LUZP2: variants seen among roughly 807,000 people sequenced by gnomAD.
The protein encoded by LUZP2 is leucine zipper protein 2.
A neutral mutation model predicts 51.6 loss-of-function variants in LUZP2; 52 were observed. The observed-to-expected ratio is 1.01, with a 90% CI of 0.81 to 1.27. LUZP2 has a LOEUF of 1.27. Ranked by LOEUF, LUZP2 falls within the 50% of genes most tolerant of loss-of-function variation. The pLI, the probability that LUZP2 is intolerant of heterozygous loss-of-function variation, is 0.00. For missense variants in LUZP2, 436 were observed against 395.4 expected, an observed-to-expected ratio of 1.10 and a Z score of -0.87; for synonymous variants, 154 against 137.3, an observed-to-expected ratio of 1.12 and a Z score of -0.85.
intron 5 of LUZP2, among the ~76,000 whole-genome samples, chr11:24,890,652 T>C (rs903950567): frequency 1.3e-5 from 2 of 152,136 alleles, no homozygotes; most frequent in African/African-American, 4.8e-5. Flanking sequence ...CTCTACCTAC[T>C]GGCATCAAAA....
At chr11:25,001,713 TTGTC>T (rs920497606) in intron 9 of LUZP2, among the ~76,000 whole-genome samples, 1 of 152,160 alleles carries the variant, frequency 6.6e-6, no homozygotes, top group African/African-American at 2.4e-5. Flanking sequence ...GACTTCATCT[TTGTC>T]TATCTCTTTC....
At chr11:24,732,241 T>G (rs1219003410) in intron 3 of LUZP2, 53 bp downstream of exon 3, 1 of 1,312,046 alleles carries the variant, frequency 7.6e-7, no homozygotes, top group African/African-American at 1.5e-5. Context: ...CAAGCAACAT[T>G]CAGAAACTTC....
chr11:24,841,295 A>G (rs993582804), intron 5 of LUZP2, among the ~76,000 whole-genome samples: 8 of 152,104 alleles, frequency 5.3e-5, no homozygotes, highest in African/African-American at 1.9e-4. Context: ...GCTGCCTACA[A>G]GCAAAAAGAT....
chr11:24,884,820 T>G (rs948482162), intron 5 of LUZP2, among the ~76,000 whole-genome samples: 3 of 152,072 alleles, frequency 2.0e-5, no homozygotes, highest in Admixed American at 2.0e-4. Context: ...CTTCATAGAT[T>G]GTGAACTCCT....
rs1590325379 is a variant in LUZP2, at chr11:24,670,156, T to C, written c.63-59013T>C. On this transcript the variant is annotated intron_variant, in intron 1 of 11. Coordinates refer to ENST00000336930, the MANE Select transcript of LUZP2 (RefSeq NM_001009909.4). Reference sequence around the variant, plus strand: ...TATAGTCTTATTTTCTACTTAAAAATATAGTGTTCATAGAAGCAACACCAG... The same window carrying C: ...TATAGTCTTATTTTCTACTTAAAAACATAGTGTTCATAGAAGCAACACCAG... Among the ~76,000 whole-genome samples, 8 of 152,194 alleles carry C rather than the reference T, an allele frequency of 5.3e-5. No individual in the cohort carries two copies. The South Asian group carries it at 1.7e-3, about 31-fold the overall frequency.
intron 9 of LUZP2, among the ~76,000 whole-genome samples, chr11:25,032,039 A>G (rs1260473937): frequency 6.6e-6 from 1 of 152,132 alleles, no homozygotes; most frequent in African/African-American, 2.4e-5. Flanking sequence ...CATCGTGACT[A>G]TGGACAGCAT....
chr11:24,749,259 A>G lies in LUZP2; in HGVS notation c.333+10957A>G, dbSNP rs1303512611. Among the ~76,000 whole-genome samples, 4 of 152,270 alleles carry G rather than the reference A, an allele frequency of 2.6e-5. No individual in the cohort carries two copies. The East Asian group carries it at 5.8e-4, about 22-fold the overall frequency. On this transcript the variant is annotated intron_variant, in intron 4 of 11. Transcript: ENST00000336930. ...CTTTGGTCTTTGCCATAAGAAGATAAAAAAGGAGATGAGAGAATGGAGAAT... is the reference window on the plus strand; with the variant it reads ...CTTTGGTCTTTGCCATAAGAAGATAGAAAAGGAGATGAGAGAATGGAGAAT...
chr11:24,590,429 A>G (rs1474707551), intron 1 of LUZP2, among the ~76,000 whole-genome samples: 1 of 152,184 alleles, frequency 6.6e-6, no homozygotes, highest in South Asian at 2.1e-4. Context: ...AGAACATTCA[A>G]AAGCCTCTCT....
intron 7 of LUZP2, among the ~76,000 whole-genome samples, chr11:24,958,603 TG>T (rs1855284786): frequency 6.6e-6 from 1 of 151,936 alleles, no homozygotes; most frequent in South Asian, 2.1e-4. Context: ...TGGGGTTGTT[TG>T]TTTTTTTCTT....
At chr11:24,912,252 A>G (rs188763475) in intron 6 of LUZP2, among the ~76,000 whole-genome samples, 1 of 114,010 alleles carries the variant, frequency 8.8e-6, no homozygotes. Flanking sequence ...TTTTTTTTTA[A>G]TTTTATTTCA....
intron 1 of LUZP2, among the ~76,000 whole-genome samples, chr11:24,641,983 T>C (rs1855302657): frequency 6.6e-6 from 1 of 151,808 alleles, no homozygotes; most frequent in South Asian, 2.1e-4. Context: ...AACCTCCGCC[T>C]CCCTCAAGCG....
At chr11:24,985,520 C>A (rs1856163672) in intron 9 of LUZP2, among the ~76,000 whole-genome samples, 1 of 151,756 alleles carries the variant, frequency 6.6e-6, no homozygotes, top group African/African-American at 2.4e-5. Context: ...ATGTGACAAT[C>A]TTCTGACCTA....
intron 9 of LUZP2, among the ~76,000 whole-genome samples, chr11:25,046,022 G>C (rs957112365): frequency 6.6e-6 from 1 of 152,100 alleles, no homozygotes; most frequent in Non-Finnish European, 1.5e-5. Context: ...TGGTTTTATT[G>C]TAGAAACAAC....
At chr11:24,870,564 G>A in intron 5 of LUZP2, among the ~76,000 whole-genome samples, 1 of 151,712 alleles carries the variant, frequency 6.6e-6, no homozygotes, top group East Asian at 1.9e-4. Context: ...TAAGAAATCT[G>A]TCTCTTAAAT....
chr11:24,785,464 T>C, intron 5 of LUZP2, among the ~76,000 whole-genome samples: 1 of 152,098 alleles, frequency 6.6e-6, no homozygotes. Context: ...AATGTTTAAC[T>C]GAGTCATTTA....
chr11:24,698,919 G>A (rs1857333471), intron 1 of LUZP2, among the ~76,000 whole-genome samples: 1 of 151,996 alleles, frequency 6.6e-6, no homozygotes, highest in African/African-American at 2.4e-5. Context: ...TTAGCTGATT[G>A]TGGTGGTGCA....
At chr11:24,764,649 G>T (rs1311361442) in intron 5 of LUZP2, among the ~76,000 whole-genome samples, 1 of 151,920 alleles carries the variant, frequency 6.6e-6, no homozygotes, top group Non-Finnish European at 1.5e-5. Context: ...GGGTGACAGA[G>T]CAAGACCCTG....
At chr11:24,559,154 C>A (rs1851958613) in intron 1 of LUZP2, among the ~76,000 whole-genome samples, 1 of 151,950 alleles carries the variant, frequency 6.6e-6, no homozygotes, top group African/African-American at 2.4e-5. Flanking sequence ...TATTACAACA[C>A]TTTAATCAGA....
At chr11:25,010,302 C>T (rs1856944480) in intron 9 of LUZP2, among the ~76,000 whole-genome samples, 1 of 152,146 alleles carries the variant, frequency 6.6e-6, no homozygotes, top group African/African-American at 2.4e-5. Context: ...GACTGTAATC[C>T]CAGCACTTTG....
Sources: allele counts gnomAD v4.1 joint callset (sites outside exome capture counted in the v4.1 genomes callset), GRCh38; gene constraint gnomAD v4.1.1; transcripts MANE v1.5; gene names NCBI Gene and HGNC (gene_info 2026-07-23, HGNC 2026-07-21).